Variants in FBXO10 observed in about 807,000 individuals in gnomAD.
FBXO10 encodes F-box protein 10.
FBXO10 carries 39 observed loss-of-function variants against 80.7 expected under a neutral mutation model. The observed-to-expected ratio is 0.48, with a 90% confidence interval of 0.37 to 0.63. The LOEUF (loss-of-function observed/expected upper bound fraction) is 0.63. Ranked by LOEUF, FBXO10 falls within the 30% of genes least tolerant of loss-of-function variation. The pLI is 0.00. For synonymous variants in FBXO10, 449 were observed against 489.6 expected, an observed-to-expected ratio of 0.92 and a Z score of 1.09; for missense variants, 1,025 against 1,269.0, an observed-to-expected ratio of 0.81 and a Z score of 2.92.
At position 37,512,461 on chromosome 9, in the gene FBXO10, GA is replaced by G. The variant is rs1285796219; in HGVS notation, c.*85del. 1.1e-5 allele frequency: 16 copies of G among 1,459,302 alleles called. No individual in the cohort carries two copies. The highest frequency in any genetic ancestry group is 1.5e-5 in the Non-Finnish European group (16 of 1,074,012). 90.4% of individuals were successfully genotyped at this position (1,459,302 alleles called of 1,614,324 possible). A position where few individuals can be genotyped will look rare whatever the true frequency, so the allele number is the denominator to read the frequency against. On this transcript the variant is annotated 3_prime_UTR_variant, in exon 11 of 11. Coordinates refer to ENST00000432825, the MANE Select transcript of FBXO10 (RefSeq NM_012166.3). ...GACCCATTTGTTCGAGGGGGAGGGG[GA>G]GGGGCGGAGTCTTTTCAGGCAGTAT... is the stretch of plus-strand genomic sequence containing the variant.
chr9:37,522,500 A>G (rs1397491556), intron 7 of FBXO10: 4 of 1,076,154 alleles, frequency 3.7e-6, no homozygotes, highest in Non-Finnish European at 4.5e-6. Flanking sequence ...TGGGATCAAA[A>G]GAAAGGATAA....
chr9:37,529,238 A>G lies in FBXO10; in HGVS notation c.1592T>C (p.Leu531Pro). Residue 531 changes from leucine to proline, a missense_variant, in exon 5 of 11, where the codon CTT becomes CCT. Coordinates refer to ENST00000432825, the MANE Select transcript of FBXO10 (RefSeq NM_012166.3). ...LILCNQIHHGLRSGIVVLGNG... is the reference protein window; with the variant it reads ...LILCNQIHHGPRSGIVVLGNG... Reference sequence around the variant, plus strand: ...GCCAAGGACGACAATGCCAGAGCGAAGGCCATGGTGGATCTGGTTACACTG... The same window carrying G: ...GCCAAGGACGACAATGCCAGAGCGAGGGCCATGGTGGATCTGGTTACACTG... 4 of 1,611,110 alleles carry G rather than the reference A, an allele frequency of 2.5e-6. No individual in the cohort carries two copies. The South Asian group carries it at 4.4e-5, about 18-fold the overall frequency.
chr9:37,544,484 C>A (rs899821663), intron 1 of FBXO10, among the ~76,000 whole-genome samples: 2 of 152,144 alleles, frequency 1.3e-5, no homozygotes, highest in Admixed American at 1.3e-4. Context: ...AAATTGTTGA[C>A]CTCTCTAGAG....
At chr9:37,547,784 C>T (rs1236847907) in intron 1 of FBXO10, among the ~76,000 whole-genome samples, 3 of 151,994 alleles carry the variant, frequency 2.0e-5, no homozygotes, top group African/African-American at 2.4e-5. Flanking sequence ...AGCAAGACCC[C>T]GTCTCTACAA....
At chr9:37,562,877 GAT>G (rs1822514184) in intron 1 of FBXO10, among the ~76,000 whole-genome samples, 1 of 152,134 alleles carries the variant, frequency 6.6e-6, no homozygotes, top group African/African-American at 2.4e-5. Flanking sequence ...GCAGAACAAA[GAT>G]ATGTCTACCA....
chr9:37,555,443 G>A (rs1222088927), intron 1 of FBXO10, among the ~76,000 whole-genome samples: 1 of 150,684 alleles, frequency 6.6e-6, no homozygotes, highest in African/African-American at 2.4e-5. Context: ...GTGCAATCTC[G>A]GCTCACCGCA....
Position 37,516,893 on chromosome 9 carries a change from G to A in FBXO10, c.2515-808C>T, listed in dbSNP as rs184578409. Among the ~76,000 whole-genome samples the A allele has an allele frequency of 1.5e-3, 220 of 151,262 alleles. 1 individual carries two copies. Among genetic ancestry groups the A allele is most frequent in the African/African-American group, 5.0e-3 (204 of 41,012 alleles). On this transcript the variant is annotated intron_variant, in intron 9 of 10. Coordinates refer to ENST00000432825, the MANE Select transcript of FBXO10 (RefSeq NM_012166.3). ...GGAGAATGGCTTGAATCTGGGAGGC[G>A]GAGGTTGCAGTGAGCTGAGATCATG...
chr9:37,519,666 C>T (rs1389480723), intron 8 of FBXO10, among the ~76,000 whole-genome samples: 5 of 152,130 alleles, frequency 3.3e-5, no homozygotes, highest in South Asian at 2.1e-4. Flanking sequence ...CCTGTCGTAC[C>T]GGACAGACAG....
intron 1 of FBXO10, among the ~76,000 whole-genome samples, chr9:37,575,246 AG>A (rs1822863906): frequency 6.6e-6 from 1 of 152,164 alleles, no homozygotes. Flanking sequence ...CTCATATGGT[AG>A]GAACAACAGG....
chr9:37,518,781 GGGGTGCTCACTGCCGCCTCAA>G (rs1410361249), intron 8 of FBXO10, among the ~76,000 whole-genome samples: 1 of 152,100 alleles, frequency 6.6e-6, no homozygotes, highest in African/African-American at 2.4e-5. Context: ...CCTCCCTGAC[GGGGTGCTCACTGCCGCCTCAA>G]GGCTGCTCAC....
At chr9:37,553,473 T>A (rs142900750) in intron 1 of FBXO10, among the ~76,000 whole-genome samples, 85 of 152,354 alleles carry the variant, frequency 5.6e-4, no homozygotes, top group Middle Eastern at 3.4e-3. Flanking sequence ...TCAGTCCTCC[T>A]GGCACAACCC....
chr9:37,556,659 T>C (rs2119167843), intron 1 of FBXO10, among the ~76,000 whole-genome samples: 1 of 145,360 alleles, frequency 6.9e-6, no homozygotes. Context: ...TTCTCCTACC[T>C]CAGCCTCCCA....
chr9:37,572,255 G>C (rs1288939588), intron 1 of FBXO10, among the ~76,000 whole-genome samples: 1 of 152,018 alleles, frequency 6.6e-6, no homozygotes, highest in Non-Finnish European at 1.5e-5. Flanking sequence ...CTATTTGCCA[G>C]GATATGAAGC....
At chr9:37,559,385 A>G (rs1822420470) in intron 1 of FBXO10, among the ~76,000 whole-genome samples, 10 of 152,170 alleles carry the variant, frequency 6.6e-5, no homozygotes, top group Admixed American at 5.9e-4. Flanking sequence ...GTATCATGCA[A>G]AGACCAATCA....
chr9:37,519,641 A>C (rs1821276677), intron 8 of FBXO10, among the ~76,000 whole-genome samples: 1 of 152,116 alleles, frequency 6.6e-6, no homozygotes, highest in Non-Finnish European at 1.5e-5. Flanking sequence ...GTATTTGTGA[A>C]CGTAGGTGGC....
In FBXO10 at chr9:37,553,935, A is replaced by AAG. The variant is rs1822274117; in HGVS notation, c.-6-12162_-6-12161insCT. Among the ~76,000 whole-genome samples the AAG allele has an allele frequency of 8.6e-5, 13 of 151,298 alleles. No individual in the cohort carries two copies. The South Asian group carries it at 2.7e-3, about 32-fold the overall frequency. ...CTGCCTCAAAAAAAAAAAAAAAAAA[A>AAG]AAAAGAAAGAAAGAAAGAATAGAGA... On this transcript the variant is annotated intron_variant, in intron 1 of 10. Coordinates refer to ENST00000432825, the MANE Select transcript of FBXO10 (RefSeq NM_012166.3).
intron 1 of FBXO10, among the ~76,000 whole-genome samples, chr9:37,549,855 G>A (rs1002668312): frequency 2.0e-5 from 3 of 152,110 alleles, no homozygotes; most frequent in Admixed American, 6.6e-5. Flanking sequence ...TTTTTATTAG[G>A]AGCCACATTT....
chr9:37,544,269 A>G (rs1821996537), intron 1 of FBXO10, among the ~76,000 whole-genome samples: 1 of 152,136 alleles, frequency 6.6e-6, no homozygotes, highest in Admixed American at 6.5e-5. Flanking sequence ...ACTCTGTCTC[A>G]AAACAAAACA....
intron 1 of FBXO10, among the ~76,000 whole-genome samples, chr9:37,563,567 G>C (rs905866152): frequency 3.3e-5 from 5 of 152,176 alleles, no homozygotes; most frequent in African/African-American, 1.2e-4. Context: ...TAGTGATATG[G>C]ACCATGAAGT....
Sources: gnomAD v4.1 joint callset for allele counts (sites outside exome capture counted in the v4.1 genomes callset) on GRCh38, gnomAD v4.1.1 for gene constraint, MANE v1.5 for transcripts, NCBI Gene and HGNC (gene_info 2026-07-23, HGNC 2026-07-21) for gene names.